FOXJ2: variants seen among roughly 807,000 people sequenced by gnomAD.
FOXJ2 encodes forkhead box protein J2.
FOXJ2 carries 18 observed loss-of-function variants against 68.4 expected under a neutral mutation model. That is an observed-to-expected ratio of 0.26 (90% CI 0.18 to 0.39). The LOEUF is 0.39. Ranked by LOEUF, FOXJ2 falls within the 10% of genes least tolerant of loss-of-function variation. The pLI is 1.00. For missense variants in FOXJ2, 670 were observed against 726.5 expected (o/e 0.92, Z 0.89); for synonymous variants, 274 against 263.2 (o/e 1.04, Z -0.40).
In FOXJ2 at chr12:8,044,908, G is replaced by A. The variant is rs1056386045; in HGVS notation, c.767G>A (p.Arg256His). Residue 256 changes from arginine to histidine, a missense_variant, in exon 6 of 11, where the codon CGC (arginine) becomes CAC (histidine). By Grantham distance (29) the Arg-to-His change is conservative. Around this residue, in one of 2 missense-constraint regions of FOXJ2, gnomAD observed 555 missense variants for 562.2 expected, o/e 0.99. Transcript: ENST00000162391. ...TTTCAGGATCTAAGCTGGTCCTTCC[G>A]CAACCTCTATAAGTCCATGCTGGAG... ...INFQDLSWSF[R>H]NLYKSMLEKS... The A allele has an allele frequency of 4.3e-6, 7 of 1,614,074 alleles. No homozygotes were observed. In the South Asian group the frequency reaches 5.5e-5, roughly 13 times the overall value.
Position 8,048,213 on chromosome 12 carries a change from C to A in FOXJ2, c.1149C>A (p.His383Gln). 1.2e-6 allele frequency: 2 copies of A among 1,609,946 alleles called. No individual in the cohort carries two copies. The highest frequency in any genetic ancestry group is 1.1e-5 in the South Asian group (1 of 90,470). ...GGYHPHQHHP[H>Q]SHPAQQPPPP... Reference sequence around the variant, plus strand: ...ACCACCCTCATCAGCACCATCCCCACTCCCACCCTGCCCAGCAGCCACCAC... The same window carrying A: ...ACCACCCTCATCAGCACCATCCCCAATCCCACCCTGCCCAGCAGCCACCAC... The change falls in exon 7 of 11, where the codon CAC becomes CAA. Residue 383 changes from histidine to glutamine, a missense_variant. Coordinates refer to ENST00000162391, the MANE Select transcript of FOXJ2 (RefSeq NM_018416.3).
At chr12:8,036,270 C>T (rs897845105) in intron 1 of FOXJ2, among the ~76,000 whole-genome samples, 15 of 152,190 alleles carry the variant, frequency 9.9e-5, no homozygotes, top group Admixed American at 9.8e-4. Flanking sequence ...CTGACATTGG[C>T]ATTAGAACAA....
Position 8,051,459 on chromosome 12 carries a change from A to T in FOXJ2, c.1636+839A>T, listed in dbSNP as rs116979988. Among the ~76,000 whole-genome samples the T allele has an allele frequency of 6.2e-3, 951 of 152,298 alleles. 5 individuals are homozygous for T. The highest frequency in any genetic ancestry group is 7.8e-3 in the Non-Finnish European group (528 of 68,030). On this transcript the variant is annotated intron_variant, in intron 10 of 10. Transcript: ENST00000162391. ...GTACTTTAAAATTAGCAACTGCAAT[A>T]GTAAAAGGAAGTGAAAGCATACATA...
intron 2 of FOXJ2, 72 bp from the exon 3 acceptor site, chr12:8,042,586 C>T: frequency 2.3e-6 from 3 of 1,289,144 alleles, no homozygotes; most frequent in Admixed American, 3.5e-5. Flanking sequence ...TTTGTGTGTC[C>T]CTCTGTGTTC....
intron 1 of FOXJ2, among the ~76,000 whole-genome samples, chr12:8,037,919 A>C (rs760882375): frequency 4.3e-4 from 66 of 152,302 alleles, no homozygotes; most frequent in African/African-American, 1.5e-3. Flanking sequence ...ATTAGTTTCC[A>C]AGTTTCCATG....
intron 3 of FOXJ2, among the ~76,000 whole-genome samples, chr12:8,043,420 C>G (rs1404651868): frequency 6.6e-6 from 1 of 152,070 alleles, no homozygotes; most frequent in African/African-American, 2.4e-5. Context: ...AGGGATGGAT[C>G]ATTCTCTCCA....
intron 10 of FOXJ2, among the ~76,000 whole-genome samples, chr12:8,052,516 C>T (rs148002665): frequency 1.0e-3 from 156 of 152,298 alleles, no homozygotes; most frequent in African/African-American, 2.8e-3. Context: ...CTGTGCCTGG[C>T]GTCAGAAGTA....
chr12:8,035,437 T>C lies in FOXJ2; in HGVS notation c.-15+1604T>C, dbSNP rs1298813447. Among the ~76,000 whole-genome samples, 1 of 152,102 alleles carries C rather than the reference T, an allele frequency of 6.6e-6. No individual in the cohort carries two copies. The highest frequency in any genetic ancestry group is 1.5e-5 in the Non-Finnish European group (1 of 68,008). ...GCAACCCAGTCTCAGGCTGGGATCA[T>C]TTCTTCTAGGACTAATAAGAGAGCT... On this transcript the variant is annotated intron_variant, in intron 1 of 10. Transcript: ENST00000162391. The surrounding 1 kb of genome is among the most constrained non-coding windows in gnomAD (Gnocchi z 4.0).
At chr12:8,037,660 G>A (rs1946915408) in intron 1 of FOXJ2, among the ~76,000 whole-genome samples, 1 of 152,138 alleles carries the variant, frequency 6.6e-6, no homozygotes, top group Admixed American at 6.5e-5. Flanking sequence ...TCTTTAGAAG[G>A]AGATAAATAG....
In FOXJ2 at chr12:8,033,629, T is replaced by C. The variant is rs1311486758; in HGVS notation, c.-219T>C. 6.6e-6 allele frequency: 1 copy of C among 152,248 alleles called. No individual in the cohort carries two copies. Among genetic ancestry groups the C allele is most frequent in the Non-Finnish European group, 1.5e-5 (1 of 68,126 alleles). The allele number at this position is 152,248 out of a possible 1,614,324, so 9.4% of individuals were successfully genotyped here. On this transcript the variant is annotated 5_prime_UTR_variant, in exon 1 of 11. Coordinates refer to ENST00000162391, the MANE Select transcript of FOXJ2 (RefSeq NM_018416.3). ...CCACCTTCCCCAAGTAGGACCTCCTTCTCCTCCCCCTCCCCCTCCTCCAAC... is the reference window on the plus strand; with the variant it reads ...CCACCTTCCCCAAGTAGGACCTCCTCCTCCTCCCCCTCCCCCTCCTCCAAC...
Position 8,047,992 on chromosome 12 carries a change from C to T in FOXJ2, c.928C>T (p.Pro310Ser), listed in dbSNP as rs2277415. 533 of 1,613,848 alleles carry T rather than the reference C, an allele frequency of 3.3e-4. 5 individuals are homozygous for T. In the East Asian group the frequency reaches 0.01, roughly 31 times the overall value. The change falls in exon 7 of 11, where the codon CCA (proline) becomes TCA (serine). Residue 310 changes from proline to serine, a missense_variant. Pro to Ser is a moderately conservative substitution (Grantham distance 74). Around this residue, in one of 2 missense-constraint regions of FOXJ2, gnomAD observed 555 missense variants for 562.2 expected, o/e 0.99. Coordinates refer to ENST00000162391, the MANE Select transcript of FOXJ2 (RefSeq NM_018416.3). ...GCAGCAGCAGCAGCAGCCGCCACAG[C>T]CACCTCCCCAGCAGTCCCAGCCACA... is the stretch of plus-strand genomic sequence containing the variant. The part of the protein sequence containing the change: ...QQQQQQQPPQ[P>S]PPQQSQPQQQ...
chr12:8,050,453 C>T, intron 9 of FOXJ2, 69 bp from the exon 10 acceptor site: 6 of 1,557,002 alleles, frequency 3.9e-6, no homozygotes, highest in Admixed American at 4.2e-5. Flanking sequence ...ATATTTTTTT[C>T]TTCCCTGCTT....
At position 8,053,824 on chromosome 12, in the gene FOXJ2, A is replaced by T. The variant is rs1947155297; in HGVS notation, c.*974A>T. On this transcript the variant is annotated 3_prime_UTR_variant, in exon 11 of 11. Transcript: ENST00000162391. The surrounding 1 kb of genome is among the most constrained non-coding windows in gnomAD (Gnocchi z 4.1). ...CCCATCCCTTTTTCCCATTCAGCAA[A>T]TATTAGTTTGTCCTCCTTTAATTGT... 1 of 152,162 alleles carries T rather than the reference A, an allele frequency of 6.6e-6. No individual in the cohort carries two copies. Among genetic ancestry groups the T allele is most frequent in the Admixed American group, 6.5e-5 (1 of 15,278 alleles). 9.4% of individuals were successfully genotyped at this position (152,162 alleles called of 1,614,324 possible).
chr12:8,038,406 C>T lies in FOXJ2; in HGVS notation c.-14-1413C>T, dbSNP rs942409755. Among the ~76,000 whole-genome samples the T allele has an allele frequency of 4.0e-5, 6 of 151,644 alleles. No individual in the cohort carries two copies. The highest frequency in any genetic ancestry group is 2.4e-5 in the African/African-American group (1 of 41,228). On this transcript the variant is annotated intron_variant, in intron 1 of 10. Coordinates refer to ENST00000162391, the MANE Select transcript of FOXJ2 (RefSeq NM_018416.3). This position sits in a 1 kb window ranked among gnomAD's most constrained non-coding sequence, Gnocchi z 5.3. The stretch of plus-strand genomic sequence containing the variant: ...GTGGATCTGTTGTATTTTATGGATA[C>T]GCTTGTGCATATATCTGGCTGTGGA...
chr12:8,043,661 TAACA>T, intron 3 of FOXJ2, 36 bp from the exon 4 acceptor site: 2 of 1,608,172 alleles, frequency 1.2e-6, no homozygotes, highest in Non-Finnish European at 1.7e-6. Context: ...GTTCTGAATG[TAACA>T]ATTTTGTTTT....
Position 8,044,814 on chromosome 12 carries a change from A to G in FOXJ2, c.673A>G (p.Ser225Gly), listed in dbSNP as rs779945986. 1.2e-6 allele frequency: 2 copies of G among 1,613,968 alleles called. No individual in the cohort carries two copies. Among genetic ancestry groups the G allele is most frequent in the South Asian group, 1.1e-5 (1 of 91,078 alleles). ...GGCAGCAGGGGCTTCAGGCCGAGAA[A>G]GTGCTGAGGGTCCCCCTCCCCTCTA... ...AVAAGASGRESAEGPPPLYNT... is the reference protein window; with the variant it reads ...AVAAGASGREGAEGPPPLYNT... The change falls in exon 6 of 11, where the codon AGT becomes GGT. Residue 225 changes from serine (S) to glycine (G), a missense_variant. By Grantham distance (56) the Ser-to-Gly change is moderately conservative. Around this residue, in one of 2 missense-constraint regions of FOXJ2, gnomAD observed 555 missense variants for 562.2 expected, o/e 0.99. Transcript: ENST00000162391.
intron 10 of FOXJ2, 131 bp from the exon 11 acceptor site, chr12:8,052,631 C>T (rs1469815933): frequency 3.0e-6 from 2 of 674,342 alleles, no homozygotes; most frequent in Admixed American, 5.1e-5. Flanking sequence ...AAAATTAACT[C>T]CAGCTGATAA....
intron 5 of FOXJ2, among the ~76,000 whole-genome samples, chr12:8,044,480 T>C (rs899893543): frequency 1.3e-5 from 2 of 151,968 alleles, no homozygotes; most frequent in Non-Finnish European, 2.9e-5. Context: ...GGCTGAGGCA[T>C]GAGAATCACT....
Position 8,032,927 on chromosome 12 carries a change from G to A in FOXJ2, c.-921G>A, listed in dbSNP as rs1946854140. ...CGGAGTCTCGAGCCGCGGCCTCCCGGACCGTGCTGCCCAGGCCAGCTCAGG... is the reference window on the plus strand; with the variant it reads ...CGGAGTCTCGAGCCGCGGCCTCCCGAACCGTGCTGCCCAGGCCAGCTCAGG... On this transcript the variant is annotated 5_prime_UTR_variant, in exon 1 of 11. Transcript: ENST00000162391. This position sits in a 1 kb window ranked among gnomAD's most constrained non-coding sequence, Gnocchi z 4.8. The A allele has an allele frequency of 2.5e-6, 1 of 397,700 alleles. No individual in the cohort carries two copies. The highest frequency in any genetic ancestry group is 4.4e-6 in the Non-Finnish European group (1 of 225,676). The allele number at this position is 397,700 out of a possible 1,614,324, so 24.6% of individuals were successfully genotyped here.
Sources: allele counts gnomAD v4.1 joint callset (sites outside exome capture counted in the v4.1 genomes callset), GRCh38; gene constraint gnomAD v4.1.1; regional missense constraint gnomAD v4.1.1; non-coding constraint Gnocchi (gnomAD v3.1); transcripts MANE v1.5; gene names NCBI Gene and HGNC (gene_info 2026-07-23, HGNC 2026-07-21).